HTR2A: variants seen among roughly 807,000 people sequenced by gnomAD.
The protein encoded by HTR2A is 5-hydroxytryptamine receptor 2A, also known as 5-HT2 receptor.
Under a neutral mutation model 31.0 loss-of-function variants are expected in HTR2A, and 14 were observed. The observed-to-expected ratio is 0.45, with a 90% CI of 0.30 to 0.71. The LOEUF (loss-of-function observed/expected upper bound fraction) is 0.71, where lower values mean the gene tolerates loss of function less well. HTR2A is among the 30% of genes least tolerant of loss of function. The probability of loss-of-function intolerance (pLI) is 0.09; values close to 1 mark genes in which losing one functional copy is unlikely to be tolerated. For synonymous variants in HTR2A, 209 were observed against 225.2 expected, an observed-to-expected ratio of 0.93 and a Z score of 0.64; for missense variants, 442 against 573.3, an observed-to-expected ratio of 0.77 and a Z score of 2.34.
intron 3 of HTR2A, among the ~76,000 whole-genome samples, chr13:46,890,921 TTA>T (rs1951047539): frequency 6.6e-6 from 1 of 152,132 alleles, no homozygotes; most frequent in Admixed American, 6.5e-5. Flanking sequence ...CAGGGGCATT[TTA>T]TGTGTAATTG....
chr13:46,863,099 CTT>C (rs1016160566), intron 3 of HTR2A, among the ~76,000 whole-genome samples: 32 of 152,210 alleles, frequency 2.1e-4, no homozygotes, highest in Middle Eastern at 3.4e-3. Context: ...TTAATTCAGA[CTT>C]ATTTTCTCAA....
chr13:46,882,346 A>G (rs1411302425), intron 3 of HTR2A, among the ~76,000 whole-genome samples: 3 of 152,236 alleles, frequency 2.0e-5, no homozygotes, highest in African/African-American at 4.8e-5. Context: ...CTAAATACAC[A>G]TGGAATGCAG....
rs1458766955 is a variant in HTR2A, at chr13:46,870,595, A to G, written c.613+21795T>C. On this transcript the variant is annotated intron_variant, in intron 3 of 3. Transcript: ENST00000542664. ...TTAATTCAGGTTTTTAGAAAAAAGGATACATGAAAACATTGGTTTAATACC... is the reference window on the plus strand; with the variant it reads ...TTAATTCAGGTTTTTAGAAAAAAGGGTACATGAAAACATTGGTTTAATACC... Among the ~76,000 whole-genome samples the G allele has an allele frequency of 2.0e-5, 3 of 152,192 alleles. No homozygotes were observed. The South Asian group carries it at 6.2e-4, about 32-fold the overall frequency.
chr13:46,892,642 C>G, intron 2 of HTR2A, 52 bp from the exon 3 acceptor site: 2 of 1,484,420 alleles, frequency 1.3e-6, no homozygotes, highest in South Asian at 2.3e-5. Flanking sequence ...TCCTGGAGCA[C>G]ATGTATCCCT....
chr13:46,868,541 G>A (rs1224516012), intron 3 of HTR2A, among the ~76,000 whole-genome samples: 1 of 152,034 alleles, frequency 6.6e-6, no homozygotes, highest in Non-Finnish European at 1.5e-5. Context: ...TTCAAAATTA[G>A]GGAATTAGCA....
chr13:46,881,715 C>T (rs1950965126), intron 3 of HTR2A, among the ~76,000 whole-genome samples: 1 of 152,092 alleles, frequency 6.6e-6, no homozygotes, highest in Non-Finnish European at 1.5e-5. Flanking sequence ...CTTAGGCTGA[C>T]TAATAGCCGT....
intron 3 of HTR2A, among the ~76,000 whole-genome samples, chr13:46,883,254 T>C (rs1291585060): frequency 2.0e-5 from 3 of 152,082 alleles, no homozygotes; most frequent in Non-Finnish European, 2.9e-5. Context: ...GGCAAGAGGT[T>C]AGGTCCAGGA....
rs575310515 is a variant in HTR2A, at chr13:46,834,656, C to T, written c.*181G>A. On this transcript the variant is annotated 3_prime_UTR_variant, in exon 4 of 4. Coordinates refer to ENST00000542664, the MANE Select transcript of HTR2A (RefSeq NM_000621.5). ...GCTGAAATGCTGTCAGAACATTTTC[C>T]AAGCACACATTTTGTAGCATTGAAC... 1,473 of 542,316 alleles carry T rather than the reference C, an allele frequency of 2.7e-3. 3 individuals are homozygous for T. Among genetic ancestry groups the T allele is most frequent in the Non-Finnish European group, 4.0e-3 (1,248 of 309,728 alleles). 33.6% of individuals were successfully genotyped at this position (542,316 alleles called of 1,614,324 possible).
intron 3 of HTR2A, among the ~76,000 whole-genome samples, chr13:46,868,516 G>A (rs1437941372): frequency 6.6e-6 from 1 of 152,138 alleles, no homozygotes; most frequent in African/African-American, 2.4e-5. Context: ...AAATATCATT[G>A]CTAAATTTTT....
chr13:46,857,567 A>G (rs1950747729), intron 3 of HTR2A, among the ~76,000 whole-genome samples: 1 of 152,214 alleles, frequency 6.6e-6, no homozygotes. Flanking sequence ...ATTGATGATT[A>G]CATTTCTACC....
chr13:46,842,730 T>G (rs370622151), intron 3 of HTR2A, among the ~76,000 whole-genome samples: 20 of 152,300 alleles, frequency 1.3e-4, no homozygotes, highest in South Asian at 6.2e-4. Context: ...CTTCTTTATG[T>G]TATGTCTTGA....
chr13:46,878,016 A>G (rs1269000675), intron 3 of HTR2A, among the ~76,000 whole-genome samples: 1 of 152,304 alleles, frequency 6.6e-6, no homozygotes, highest in East Asian at 1.9e-4. Flanking sequence ...GACCAGGTCC[A>G]TATTTATGGG....
intron 3 of HTR2A, among the ~76,000 whole-genome samples, chr13:46,842,443 G>C (rs1425819652): frequency 6.6e-6 from 1 of 152,136 alleles, no homozygotes; most frequent in Non-Finnish European, 1.5e-5. Context: ...TGGTCTAGAA[G>C]GTGTGGGGAG....
At position 46,844,311 on chromosome 13, in the gene HTR2A, A is replaced by G. The variant is rs192201513; in HGVS notation, c.614-8672T>C. ...AAGAGAGAGTTGGGAATTATAATACACTTTATAGACACAGCTTGAAGTTAC... is the reference window on the plus strand; with the variant it reads ...AAGAGAGAGTTGGGAATTATAATACGCTTTATAGACACAGCTTGAAGTTAC... On this transcript the variant is annotated intron_variant, in intron 3 of 3. Transcript: ENST00000542664. Among the ~76,000 whole-genome samples the G allele has an allele frequency of 1.6e-3, 241 of 152,296 alleles. 1 individual carries two copies. Among genetic ancestry groups the G allele is most frequent in the African/African-American group, 5.7e-3 (235 of 41,562 alleles).
chr13:46,866,188 T>C (rs547621887), intron 3 of HTR2A, among the ~76,000 whole-genome samples: 1 of 152,276 alleles, frequency 6.6e-6, no homozygotes, highest in African/African-American at 2.4e-5. Flanking sequence ...AATTCCTGTT[T>C]ATAGGGTTCG....
At chr13:46,860,946 A>C (rs1593434332) in intron 3 of HTR2A, among the ~76,000 whole-genome samples, 2 of 152,362 alleles carry the variant, frequency 1.3e-5, no homozygotes, top group Admixed American at 1.3e-4. Context: ...AATGGCTCCC[A>C]GGCAGAATTT....
intron 3 of HTR2A, among the ~76,000 whole-genome samples, chr13:46,866,053 T>G (rs764592182): frequency 2.6e-5 from 4 of 152,238 alleles, no homozygotes; most frequent in Non-Finnish European, 5.9e-5. Context: ...TTTATCTTGC[T>G]CACATCCTGG....
At chr13:46,884,288 T>G (rs1950989244) in intron 3 of HTR2A, among the ~76,000 whole-genome samples, 1 of 152,214 alleles carries the variant, frequency 6.6e-6, no homozygotes, top group Non-Finnish European at 1.5e-5. Context: ...TTTAACAATT[T>G]CAGACTGTGG....
In HTR2A at chr13:46,833,028, C is replaced by T. The variant is rs962239396; in HGVS notation, c.*1809G>A. 3.3e-5 allele frequency: 5 copies of T among 152,000 alleles called. No homozygotes were observed. The highest frequency in any genetic ancestry group is 2.6e-4 in the Admixed American group (4 of 15,256). 9.4% of individuals were successfully genotyped at this position (152,000 alleles called of 1,614,324 possible). A position where few individuals can be genotyped will look rare whatever the true frequency, so the allele number is the denominator to read the frequency against. On this transcript the variant is annotated 3_prime_UTR_variant, in exon 4 of 4. Coordinates refer to ENST00000542664, the MANE Select transcript of HTR2A (RefSeq NM_000621.5). ...ATATCTGCTTTTCTATTAGGGAGCCCAGTGTCAATGAGTAATACTGAAATG... is the reference window on the plus strand; with the variant it reads ...ATATCTGCTTTTCTATTAGGGAGCCTAGTGTCAATGAGTAATACTGAAATG...
Sources: gnomAD v4.1 joint callset for allele counts (sites outside exome capture counted in the v4.1 genomes callset) on GRCh38, gnomAD v4.1.1 for gene constraint, MANE v1.5 for transcripts, NCBI Gene and HGNC (gene_info 2026-07-23, HGNC 2026-07-21) for gene names.